MATN2: variants seen among roughly 807,000 people sequenced by gnomAD.
The protein encoded by MATN2 is matrilin-2.
MATN2 carries 69 observed loss-of-function variants against 103.2 expected under a neutral mutation model. The observed-to-expected ratio is 0.67, with a 90% CI of 0.55 to 0.82. The LOEUF (loss-of-function observed/expected upper bound fraction) is 0.82, where lower values mean the gene tolerates loss of function less well. MATN2 is among the 40% of genes least tolerant of loss of function. MATN2 has a pLI of 0.00. For missense variants in MATN2, 1,023 were observed against 1,211.5 expected, an observed-to-expected ratio of 0.84 and a Z score of 2.31; for synonymous variants, 429 against 450.2, an observed-to-expected ratio of 0.95 and a Z score of 0.60.
chr8:97,949,171 A>ATT (rs71271175), intron 4 of MATN2, among the ~76,000 whole-genome samples: 58,813 of 140,468 alleles, frequency 0.42, 12,784 homozygotes, highest in African/African-American at 0.44. Context: ...ACTAGAATGG[A>ATT]TTTTTTTTTT....
intron 4 of MATN2, among the ~76,000 whole-genome samples, chr8:97,948,904 T>C (rs1810843827): frequency 6.6e-6 from 1 of 152,208 alleles, no homozygotes; most frequent in Non-Finnish European, 1.5e-5. Context: ...TTCAGTACTC[T>C]GCTACTAAAA....
intron 1 of MATN2, among the ~76,000 whole-genome samples, chr8:97,874,646 C>A (rs1818006306): frequency 6.6e-6 from 1 of 151,738 alleles, no homozygotes; most frequent in African/African-American, 2.4e-5. Context: ...GACTCCTGGG[C>A]TCAAGCAATC....
At chr8:98,022,777 G>A (rs369400914) in intron 13 of MATN2, among the ~76,000 whole-genome samples, 254 of 152,278 alleles carry the variant, frequency 1.7e-3, no homozygotes, top group African/African-American at 5.7e-3. Context: ...CATACTACCC[G>A]TGTGACCTTG....
intron 2 of MATN2, among the ~76,000 whole-genome samples, chr8:97,903,157 A>G (rs1011712869): frequency 6.6e-6 from 1 of 152,166 alleles, no homozygotes; most frequent in African/African-American, 2.4e-5. Flanking sequence ...TTATTGCACC[A>G]TGTACAGTAA....
chr8:97,967,324 T>A (rs1354262189), intron 5 of MATN2, among the ~76,000 whole-genome samples: 1 of 152,106 alleles, frequency 6.6e-6, no homozygotes, highest in Non-Finnish European at 1.5e-5. Context: ...AATCGTGCCT[T>A]TGCAATAGTT....
At chr8:97,883,139 A>G (rs989027105) in intron 1 of MATN2, among the ~76,000 whole-genome samples, 7 of 151,936 alleles carry the variant, frequency 4.6e-5, no homozygotes, top group African/African-American at 1.7e-4. Flanking sequence ...CCTCATCTCT[A>G]CTAAAAATAC....
intron 16 of MATN2, among the ~76,000 whole-genome samples, chr8:98,032,576 G>A (rs1814074526): frequency 6.6e-6 from 1 of 151,896 alleles, no homozygotes; most frequent in African/African-American, 2.4e-5. Context: ...CTGTTGCCCA[G>A]GCTGGAGTGC....
chr8:97,990,630 C>T (rs1261821176), intron 6 of MATN2, among the ~76,000 whole-genome samples: 4 of 152,150 alleles, frequency 2.6e-5, no homozygotes, highest in Admixed American at 6.5e-5. Context: ...TGAAATACTA[C>T]TCTGCAATAA....
chr8:98,009,475 T>G (rs1184610589), intron 10 of MATN2, among the ~76,000 whole-genome samples: 5 of 152,202 alleles, frequency 3.3e-5, no homozygotes, highest in African/African-American at 1.2e-4. Context: ...AGCCTCCACT[T>G]AGAGCTTTGA....
At chr8:97,917,319 G>A (rs931214802) in intron 2 of MATN2, among the ~76,000 whole-genome samples, 2 of 152,196 alleles carry the variant, frequency 1.3e-5, no homozygotes, top group Non-Finnish European at 2.9e-5. Flanking sequence ...CTTGGTAGTA[G>A]CTTGTTCAAG....
At chr8:97,872,292 G>A (rs186296810) in intron 1 of MATN2, among the ~76,000 whole-genome samples, 26 of 152,242 alleles carry the variant, frequency 1.7e-4, no homozygotes, top group Admixed American at 6.5e-4. Flanking sequence ...AAAAATCAGC[G>A]GCTGAGCAGG....
intron 6 of MATN2, among the ~76,000 whole-genome samples, chr8:97,991,733 A>ATT: frequency 6.7e-6 from 1 of 149,596 alleles, no homozygotes; most frequent in South Asian, 2.1e-4. Flanking sequence ...AAAAAAAAAA[A>ATT]AAATTCTTTT....
intron 12 of MATN2, 145 bp downstream of exon 12, chr8:98,018,261 G>C (rs1320701021): frequency 9.1e-7 from 1 of 1,096,338 alleles, no homozygotes. Flanking sequence ...TGTTTAGCTA[G>C]AGATCAGTTC....
intron 4 of MATN2, among the ~76,000 whole-genome samples, chr8:97,955,715 C>T (rs1811124105): frequency 1.3e-5 from 2 of 152,184 alleles, no homozygotes; most frequent in Non-Finnish European, 2.9e-5. Context: ...CTCTGTCCTT[C>T]ACAGAGCTTA....
chr8:97,931,327 C>T lies in MATN2; in HGVS notation c.517C>T (p.Pro173Ser), dbSNP rs778628638. 9.9e-6 allele frequency: 16 copies of T among 1,613,888 alleles called. No individual in the cohort carries two copies. The Admixed American group carries it at 2.7e-4, about 27-fold the overall frequency. Residue 173 changes from proline to serine, a missense_variant, in exon 3 of 19, where the codon CCT becomes TCT. By Grantham distance (74) the Pro-to-Ser change is moderately conservative (BLOSUM62 -1). Transcript: ENST00000254898. The surrounding 1 kb of genome is among the most constrained non-coding windows in gnomAD (Gnocchi z 4.1). The stretch of plus-strand genomic sequence containing the variant: ...CATAATGATCGTGACAGATGGGAGA[C>T]CTCAGGACTCCGTGGCCGAGGTGGC... ...RVIMIVTDGR[P>S]QDSVAEVAAK...
At chr8:97,947,032 T>C (rs922334071) in intron 4 of MATN2, among the ~76,000 whole-genome samples, 5 of 152,196 alleles carry the variant, frequency 3.3e-5, no homozygotes, top group African/African-American at 7.2e-5. Context: ...TGGAGTTTAT[T>C]CCAAGAATGC....
At chr8:97,991,447 C>T (rs1385984802) in intron 6 of MATN2, among the ~76,000 whole-genome samples, 2 of 152,160 alleles carry the variant, frequency 1.3e-5, no homozygotes, top group Non-Finnish European at 2.9e-5. Context: ...TTCTGCTGGG[C>T]ACAGTGGCTC....
intron 5 of MATN2, among the ~76,000 whole-genome samples, chr8:97,962,905 C>T (rs1375660354): frequency 2.0e-5 from 3 of 152,122 alleles, no homozygotes; most frequent in South Asian, 2.1e-4. Context: ...GAGGCTGAGG[C>T]GGGCAGATCA....
chr8:97,993,490 A>C (rs527622590), intron 6 of MATN2, among the ~76,000 whole-genome samples: 26 of 143,156 alleles, frequency 1.8e-4, no homozygotes, highest in Admixed American at 4.2e-4. Context: ...CAAAAAATAC[A>C]AAAAAAAGAA....
Sources: gnomAD v4.1 joint callset for allele counts (sites outside exome capture counted in the v4.1 genomes callset) on GRCh38, gnomAD v4.1.1 for gene constraint, Gnocchi (gnomAD v3.1) non-coding constraint, MANE v1.5 for transcripts, NCBI Gene and HGNC (gene_info 2026-07-23, HGNC 2026-07-21) for gene names.